A2ML1: variants seen among roughly 807,000 people sequenced by gnomAD.
The protein encoded by A2ML1 is alpha-2-macroglobulin like 1.
A2ML1 carries 161 observed loss-of-function variants against 181.9 expected under a neutral mutation model. The observed-to-expected ratio is 0.89, with a 90% CI of 0.78 to 1.01. The LOEUF (loss-of-function observed/expected upper bound fraction) is 1.01, where lower values mean the gene tolerates loss of function less well. Ranked by LOEUF, A2ML1 falls within the 50% of genes least tolerant of loss-of-function variation. The pLI, the probability that A2ML1 is intolerant of heterozygous loss-of-function variation, is 0.00. For synonymous variants in A2ML1, 663 were observed against 666.8 expected (o/e 0.99, Z 0.09); for missense variants, 1,670 against 1,768.1 (o/e 0.94, Z 1.00).
Position 8,852,127 on chromosome 12 carries a change from G to T in A2ML1, c.2464-83G>T. ...TCCCTGGGAAAGAGAGGAGATGTCG[G>T]CGTCTCAGCCCCCAGGTTTCCCCAG... On this transcript the variant is annotated intron_variant, in intron 19 of 35. Coordinates refer to ENST00000299698, the MANE Select transcript of A2ML1 (RefSeq NM_144670.6). This position sits in a 1 kb window ranked among gnomAD's most constrained non-coding sequence, Gnocchi z 4.2. 6.3e-7 allele frequency: 1 copy of T among 1,592,262 alleles called. No individual in the cohort carries two copies. Among genetic ancestry groups the T allele is most frequent in the South Asian group, 1.1e-5 (1 of 88,566 alleles).
intron 12 of A2ML1, chr12:8,844,871 AG>A (rs1943612894): frequency 1.6e-6 from 1 of 643,816 alleles, no homozygotes; most frequent in African/African-American, 1.9e-5. Context: ...CAGGCGTCCA[AG>A]GAACCGACCT....
At chr12:8,856,713 T>A (rs1944074501) in intron 23 of A2ML1, among the ~76,000 whole-genome samples, 1 of 152,150 alleles carries the variant, frequency 6.6e-6, no homozygotes, top group Non-Finnish European at 1.5e-5. Context: ...TTAGATAGCT[T>A]ATGTGCCTCT....
At chr12:8,841,785 T>C (rs1943488761) in intron 11 of A2ML1, among the ~76,000 whole-genome samples, 1 of 152,208 alleles carries the variant, frequency 6.6e-6, no homozygotes, top group South Asian at 2.1e-4. Context: ...CCCCCATCTC[T>C]ATCTGATCCT....
At position 8,868,330 on chromosome 12, in the gene A2ML1, G is replaced by C; in HGVS notation, c.4034G>C (p.Arg1345Pro). The C allele has an allele frequency of 6.2e-7, 1 of 1,613,570 alleles. No individual in the cohort carries two copies. ...KARCEQPTSP[R>P]SLTLTIHTSY... ...AGATGTGAGCAACCGACTTCACCTC[G>C]ATCCTTGACTCTCACTATTCACACC... Residue 1345 changes from arginine to proline, a missense_variant, in exon 31 of 36, where the codon CGA becomes CCA. Physicochemically the swap from Arg to Pro is moderately radical, Grantham distance 103. Transcript: ENST00000299698.
intron 11 of A2ML1, among the ~76,000 whole-genome samples, chr12:8,842,602 A>C (rs767195532): frequency 6.6e-6 from 1 of 152,298 alleles, no homozygotes; most frequent in East Asian, 1.9e-4. Context: ...CACATGCTCA[A>C]GGATGCTGAT....
chr12:8,847,652 A>T lies in A2ML1; in HGVS notation c.1787A>T (p.Glu596Val). 1.9e-6 allele frequency: 3 copies of T among 1,613,796 alleles called. No individual in the cohort carries two copies. The highest frequency in any genetic ancestry group is 2.5e-6 in the Non-Finnish European group (3 of 1,179,888). The part of the protein sequence containing the change: ...GSLCALRAVD[E>V]SVLLLRPDRE... ...CTGTGTGCGCTCCGGGCGGTGGATG[A>T]GAGTGTCTTACTGCTTAGGCCAGAC... Residue 596 changes from glutamate (E) to valine (V), a missense_variant, in exon 15 of 36, where the codon GAG becomes GTG. By Grantham distance (121) the Glu-to-Val change is moderately radical (BLOSUM62 -2). Transcript: ENST00000299698.
At position 8,865,314 on chromosome 12, in the gene A2ML1, C is replaced by A. The variant is rs181565925; in HGVS notation, c.3717+1306C>A. ...CAGTGCTTTGGGAGGCCGAGGCAGG[C>A]GGATCACCTGAGGTCGGGAGTTCGA... is the stretch of plus-strand genomic sequence containing the variant. On this transcript the variant is annotated intron_variant, in intron 29 of 35. Coordinates refer to ENST00000299698, the MANE Select transcript of A2ML1 (RefSeq NM_144670.6). 2.7e-5 allele frequency among the ~76,000 whole-genome samples: 4 copies of A among 147,254 alleles called. No homozygotes were observed. In the Admixed American group the frequency reaches 2.7e-4, roughly 10 times the overall value.
At chr12:8,843,922 A>G (rs1266832878) in intron 12 of A2ML1, among the ~76,000 whole-genome samples, 1 of 151,938 alleles carries the variant, frequency 6.6e-6, no homozygotes, top group East Asian at 1.9e-4. Context: ...GGGTTTCACC[A>G]TGTTAACTAG....
intron 7 of A2ML1, 122 bp downstream of exon 7, chr12:8,836,461 A>C: frequency 1.6e-6 from 1 of 615,886 alleles, no homozygotes; most frequent in Non-Finnish European, 2.8e-6. Context: ...TGTAATTCAG[A>C]GTCATGGCTT....
chr12:8,857,054 G>A (rs1944089729), intron 23 of A2ML1, 110 bp from the exon 24 acceptor site: 1 of 1,116,038 alleles, frequency 9.0e-7, no homozygotes, highest in South Asian at 1.5e-5. Context: ...CCCATAGTAG[G>A]TACTTATTAA....
intron 29 of A2ML1, among the ~76,000 whole-genome samples, chr12:8,865,705 T>C (rs931557964): frequency 2.6e-5 from 4 of 152,110 alleles, no homozygotes; most frequent in Admixed American, 2.6e-4. Context: ...AATTGGGAAA[T>C]TGAATGAGTG....
rs1260898189 is a variant in A2ML1, at chr12:8,876,156, A to G, written c.*100A>G. ...CAGAACTCATTCAATCAAATAATTT[A>G]ATTTCTCTGACTAGTATATGGGTAA... On this transcript the variant is annotated 3_prime_UTR_variant, in exon 36 of 36. Coordinates refer to ENST00000299698, the MANE Select transcript of A2ML1 (RefSeq NM_144670.6). The G allele has an allele frequency of 6.6e-6, 1 of 152,220 alleles. No individual in the cohort carries two copies. The highest frequency in any genetic ancestry group is 1.5e-5 in the Non-Finnish European group (1 of 68,040). 9.4% of individuals were successfully genotyped at this position (152,220 alleles called of 1,614,324 possible). A position where few individuals can be genotyped will look rare whatever the true frequency, so the allele number is the denominator to read the frequency against.
rs749438938 is a variant in A2ML1, at chr12:8,860,888, TTGA to T, written c.3279_3281del (p.Asp1093del). ...CTCCCTGTTTGCCTCTAGGGTGGTG[TTGA>T]TGATGAGGTCTCCTTGACTGCGTAT... On this transcript the variant is annotated inframe_deletion, in exon 27 of 36. Coordinates refer to ENST00000299698, the MANE Select transcript of A2ML1 (RefSeq NM_144670.6). 1.2e-6 allele frequency: 2 copies of T among 1,614,082 alleles called. No individual in the cohort carries two copies. The highest frequency in any genetic ancestry group is 1.7e-6 in the Non-Finnish European group (2 of 1,180,028).
chr12:8,868,139 T>G, intron 30 of A2ML1, 82 bp downstream of exon 30: 1 of 1,609,080 alleles, frequency 6.2e-7, no homozygotes, highest in Non-Finnish European at 8.5e-7. Context: ...CTCTCTCTCT[T>G]TCTTTCTCAC....
chr12:8,860,956 G>A lies in A2ML1; in HGVS notation c.3339+1G>A. 2.5e-6 allele frequency: 4 copies of A among 1,614,116 alleles called. No homozygotes were observed. The South Asian group carries it at 4.4e-5, about 18-fold the overall frequency. On this transcript the variant is annotated splice_donor_variant, in intron 27 of 35. Transcript: ENST00000299698. LOFTEE classifies it high-confidence loss of function. ...GCTGGAGATGGGAAAGGATGTAGAT[G>A]TAAGTTCTCCTGGCTCCTGCTCTTG...
intron 4 of A2ML1, among the ~76,000 whole-genome samples, chr12:8,832,665 G>T (rs1159206091): frequency 6.6e-6 from 1 of 152,072 alleles, no homozygotes; most frequent in Non-Finnish European, 1.5e-5. Flanking sequence ...TAATCTTCAG[G>T]TGTGGGCTAG....
intron 28 of A2ML1, among the ~76,000 whole-genome samples, chr12:8,861,542 C>T (rs1944263323): frequency 1.3e-5 from 2 of 152,134 alleles, no homozygotes; most frequent in African/African-American, 4.8e-5. Context: ...GGCTGGAGTG[C>T]AGTGGCGTGA....
At chr12:8,836,814 T>A (rs1347949325) in intron 7 of A2ML1, among the ~76,000 whole-genome samples, 1 of 152,038 alleles carries the variant, frequency 6.6e-6, no homozygotes, top group Admixed American at 6.6e-5. Flanking sequence ...GTTTCTGCTG[T>A]TTTTTTCCAT....
chr12:8,872,280 C>T (rs2136984374), intron 33 of A2ML1, among the ~76,000 whole-genome samples: 1 of 151,678 alleles, frequency 6.6e-6, no homozygotes, highest in Admixed American at 6.6e-5. Context: ...TAGAAAAGAA[C>T]AGTGGTTCTA....
Sources: allele counts gnomAD v4.1 joint callset (sites outside exome capture counted in the v4.1 genomes callset), GRCh38; gene constraint gnomAD v4.1.1; non-coding constraint Gnocchi (gnomAD v3.1); transcripts MANE v1.5; gene names NCBI Gene and HGNC (gene_info 2026-07-23, HGNC 2026-07-21).